The following NEO1 variants were observed in gnomAD, a reference collection of about 807,000 sequenced individuals.
NEO1 encodes the protein neogenin 1.
Under a neutral mutation model 159.7 loss-of-function variants are expected in NEO1, and 63 were observed. The ratio of observed to expected loss-of-function variants is 0.39; its 90% CI spans 0.32 to 0.49. The LOEUF is 0.49. Among genes scored for constraint, NEO1 ranks in the 20% least tolerant of loss-of-function variants. The pLI is 0.85. For missense variants in NEO1, 1,615 were observed against 1,831.0 expected, an observed-to-expected ratio of 0.88 and a Z score of 2.15; for synonymous variants, 633 against 662.0, an observed-to-expected ratio of 0.96 and a Z score of 0.67.
At chr15:73,231,699 G>A (rs2038920212) in intron 7 of NEO1, among the ~76,000 whole-genome samples, 1 of 152,208 alleles carries the variant, frequency 6.6e-6, no homozygotes, top group African/African-American at 2.4e-5. Flanking sequence ...TCCAGCCTGG[G>A]TGATAGAGCA....
chr15:73,123,842 A>G (rs969664245), intron 3 of NEO1, among the ~76,000 whole-genome samples: 1 of 152,142 alleles, frequency 6.6e-6, no homozygotes, highest in Non-Finnish European at 1.5e-5. Flanking sequence ...TTATATGTCT[A>G]TTAAATAGGC....
chr15:73,058,999 C>T (rs1017222566), intron 1 of NEO1, among the ~76,000 whole-genome samples: 2 of 151,908 alleles, frequency 1.3e-5, no homozygotes, highest in Non-Finnish European at 2.9e-5. Flanking sequence ...ATTGGAAAAT[C>T]GTCTATGTTA....
chr15:73,281,205 A>AG (rs1424314142), intron 22 of NEO1, among the ~76,000 whole-genome samples: 1 of 147,940 alleles, frequency 6.8e-6, no homozygotes, highest in Non-Finnish European at 1.5e-5. Flanking sequence ...GAGACTCAAA[A>AG]AAAAAAAAAA....
At chr15:73,076,729 CT>C (rs1292006172) in intron 1 of NEO1, among the ~76,000 whole-genome samples, 2 of 152,144 alleles carry the variant, frequency 1.3e-5, no homozygotes, top group Non-Finnish European at 2.9e-5. Flanking sequence ...TGATTTTTTT[CT>C]TTGGAAGCAA....
chr15:73,268,221 A>G (rs1416712605), intron 16 of NEO1, among the ~76,000 whole-genome samples: 5 of 152,204 alleles, frequency 3.3e-5, no homozygotes, highest in African/African-American at 9.6e-5. Context: ...AGGAGCAAAA[A>G]TTAAGTGAAA....
intron 9 of NEO1, among the ~76,000 whole-genome samples, chr15:73,246,666 G>A (rs1296376887): frequency 6.6e-6 from 1 of 152,182 alleles, no homozygotes; most frequent in Non-Finnish European, 1.5e-5. Context: ...GCACATGCAA[G>A]GTAAGTCATG....
intron 1 of NEO1, among the ~76,000 whole-genome samples, chr15:73,095,452 C>T (rs551562626): frequency 1.3e-5 from 2 of 152,252 alleles, no homozygotes; most frequent in South Asian, 2.1e-4. Flanking sequence ...TTGCCTAGAG[C>T]TGTTGATTCA....
chr15:73,298,277 T>C (rs372204957), intron 26 of NEO1, 71 bp from the exon 27 acceptor site: 36 of 1,586,154 alleles, frequency 2.3e-5, no homozygotes, highest in East Asian at 9.0e-5. Context: ...CCCCTAGAAG[T>C]AGCCAAACTG....
At chr15:73,231,364 G>C (rs961264385) in intron 7 of NEO1, among the ~76,000 whole-genome samples, 1 of 152,092 alleles carries the variant, frequency 6.6e-6, no homozygotes, top group Non-Finnish European at 1.5e-5. Context: ...TGTGTTCTCT[G>C]ACCACAACAG....
At chr15:73,097,675 A>G (rs1314910777) in intron 1 of NEO1, among the ~76,000 whole-genome samples, 1 of 148,934 alleles carries the variant, frequency 6.7e-6, no homozygotes, top group Non-Finnish European at 1.5e-5. Flanking sequence ...GCCTCTTTTG[A>G]GTGTTTGAGA....
chr15:73,302,542 C>A, intron 28 of NEO1, 71 bp from the exon 29 acceptor site: 2 of 1,415,094 alleles, frequency 1.4e-6, no homozygotes, highest in Non-Finnish European at 2.0e-6. Flanking sequence ...GAGGCTTTGG[C>A]CTCTCTCTGG....
chr15:73,288,279 A>G, intron 23 of NEO1, 34 bp from the exon 24 acceptor site: 1 of 1,567,342 alleles, frequency 6.4e-7, no homozygotes, highest in South Asian at 1.1e-5. Context: ...CAAATGAGTT[A>G]CTTTTTAAAA....
At chr15:73,266,516 G>T in intron 16 of NEO1, 105 bp downstream of exon 16, 1 of 704,936 alleles carries the variant, frequency 1.4e-6, no homozygotes. Context: ...AAAAGCATAT[G>T]GCAGTTTCGG....
chr15:73,059,233 A>G (rs1283773386), intron 1 of NEO1, among the ~76,000 whole-genome samples: 3 of 152,212 alleles, frequency 2.0e-5, no homozygotes, highest in African/African-American at 7.2e-5. Flanking sequence ...ACCCCTTTAC[A>G]TAAAGAAAAG....
intron 28 of NEO1, among the ~76,000 whole-genome samples, chr15:73,301,896 C>G (rs1198988666): frequency 6.6e-6 from 1 of 152,052 alleles, no homozygotes; most frequent in Non-Finnish European, 1.5e-5. Context: ...CTTGAACTCC[C>G]TACCTCAGGT....
intron 1 of NEO1, among the ~76,000 whole-genome samples, chr15:73,094,713 T>C (rs1169861262): frequency 6.6e-6 from 1 of 152,246 alleles, no homozygotes; most frequent in East Asian, 1.9e-4. Flanking sequence ...TGCTGGTTGC[T>C]TCCCCATGGT....
At chr15:73,200,029 A>G (rs2036767854) in intron 7 of NEO1, among the ~76,000 whole-genome samples, 1 of 152,190 alleles carries the variant, frequency 6.6e-6, no homozygotes, top group Non-Finnish European at 1.5e-5. Flanking sequence ...GAACACTGTC[A>G]TTCAGATCAT....
intron 7 of NEO1, among the ~76,000 whole-genome samples, chr15:73,228,608 A>G (rs1355649639): frequency 6.6e-6 from 1 of 150,452 alleles, no homozygotes; most frequent in Non-Finnish European, 1.5e-5. Context: ...GTGCAGAAGT[A>G]TTTGTTTTTA....
chr15:73,221,272 A>G (rs1262500207), intron 7 of NEO1, among the ~76,000 whole-genome samples: 3 of 152,028 alleles, frequency 2.0e-5, no homozygotes, highest in Non-Finnish European at 4.4e-5. Context: ...CTGCTGTCTG[A>G]TTGTTCCTCT....
Sources: gnomAD v4.1 joint callset for allele counts (sites outside exome capture counted in the v4.1 genomes callset) on GRCh38, gnomAD v4.1.1 for gene constraint, MANE v1.5 for transcripts, NCBI Gene and HGNC (gene_info 2026-07-23, HGNC 2026-07-21) for gene names.